The following TENM3 variants were observed in gnomAD, a reference collection of about 807,000 sequenced individuals.
The protein encoded by TENM3 is teneurin-3.
Under a neutral mutation model 255.1 loss-of-function variants are expected in TENM3, and 63 were observed. The ratio of observed to expected loss-of-function variants is 0.25; its 90% CI spans 0.20 to 0.30. The LOEUF is 0.30. Among genes scored for constraint, TENM3 ranks in the 10% least tolerant of loss-of-function variants. The pLI is 1.00. For synonymous variants in TENM3, 1,306 were observed against 1,322.3 expected (o/e 0.99, Z 0.27); for missense variants, 2,929 against 3,461.1 (o/e 0.85, Z 3.86).
chr4:181,467,084 CGTGT>C, the TENM3 span, among the ~76,000 whole-genome samples: 632 of 58,166 alleles, frequency 0.011, 19 homozygotes, highest in Middle Eastern at 0.025. Context: ...TGTGTGTGTG[CGTGT>C]GTGTGTGTGT....
At chr4:181,857,586 CAAAAA>C in the TENM3 span, among the ~76,000 whole-genome samples, 5,322 of 113,898 alleles carry the variant, frequency 0.047, 31 homozygotes, top group Middle Eastern at 0.062. Context: ...CAAAACAAAA[CAAAAA>C]AAAAAAAAAC....
At chr4:181,878,066 T>C in the TENM3 span, among the ~76,000 whole-genome samples, 2 of 152,274 alleles carry the variant, frequency 1.3e-5, no homozygotes, top group East Asian at 3.9e-4. Context: ...GGTGGATCTA[T>C]TGTAGGCACC....
At chr4:182,490,808 A>G (rs992901424) in intron 3 of TENM3, among the ~76,000 whole-genome samples, 1 of 152,142 alleles carries the variant, frequency 6.6e-6, no homozygotes, top group Non-Finnish European at 1.5e-5. Flanking sequence ...GGGGAGCACC[A>G]GCTCACACTG....
At chr4:181,972,154 A>C in the TENM3 span, among the ~76,000 whole-genome samples, 1 of 151,986 alleles carries the variant, frequency 6.6e-6, no homozygotes, top group Admixed American at 6.6e-5. Context: ...AGATGTGGTG[A>C]CTCACATCTG....
chr4:182,250,092 G>A (rs1460780768), intron 1 of TENM3, among the ~76,000 whole-genome samples: 16 of 133,704 alleles, frequency 1.2e-4, no homozygotes, highest in East Asian at 2.1e-4. Flanking sequence ...TTGCTCTGTC[G>A]CCCAGACTGG....
At chr4:181,508,531 T>C in the TENM3 span, among the ~76,000 whole-genome samples, 1 of 152,226 alleles carries the variant, frequency 6.6e-6, no homozygotes, top group African/African-American at 2.4e-5. Context: ...TTTAACTTTT[T>C]AGTTGTTTAC....
the TENM3 span, among the ~76,000 whole-genome samples, chr4:181,783,583 T>C: frequency 6.6e-6 from 1 of 152,188 alleles, no homozygotes; most frequent in South Asian, 2.1e-4. Flanking sequence ...AAAAGTTCCA[T>C]GAAAATTTTA....
intron 18 of TENM3, 99 bp from the exon 19 acceptor site, chr4:182,743,071 A>G: frequency 7.9e-7 from 1 of 1,267,240 alleles, no homozygotes; most frequent in East Asian, 2.5e-5. Flanking sequence ...TCCAGACCTG[A>G]CAGGCATTGA....
chr4:181,450,347 A>G, the TENM3 span, among the ~76,000 whole-genome samples: 121 of 152,320 alleles, frequency 7.9e-4, no homozygotes, highest in South Asian at 0.018. Context: ...AATAAGGTCA[A>G]TATTACATAC....
chr4:182,021,735 CAAAT>C, the TENM3 span, among the ~76,000 whole-genome samples: 179 of 151,966 alleles, frequency 1.2e-3, 1 homozygote, highest in African/African-American at 4.2e-3. Flanking sequence ...GATGAATAAA[CAAAT>C]GAATGAATAA....
the TENM3 span, among the ~76,000 whole-genome samples, chr4:181,690,324 A>G: frequency 2.0e-5 from 3 of 152,136 alleles, no homozygotes; most frequent in African/African-American, 2.4e-5. Flanking sequence ...GTGGTCTTCA[A>G]TCATTTCAAC....
chr4:181,601,036 A>G, the TENM3 span, among the ~76,000 whole-genome samples: 1 of 152,106 alleles, frequency 6.6e-6, no homozygotes. Context: ...CAGTGGGCAG[A>G]GCCCAGAGTG....
chr4:181,740,971 G>T, the TENM3 span, among the ~76,000 whole-genome samples: 1 of 152,250 alleles, frequency 6.6e-6, no homozygotes, highest in East Asian at 1.9e-4. Flanking sequence ...TTACCTGTGA[G>T]AAAAGCTGAA....
chr4:181,879,580 C>A, the TENM3 span, among the ~76,000 whole-genome samples: 7 of 152,144 alleles, frequency 4.6e-5, no homozygotes, highest in Non-Finnish European at 8.8e-5. Flanking sequence ...TGTTTAATAT[C>A]TACAGTAACA....
chr4:182,027,020 T>C, the TENM3 span, among the ~76,000 whole-genome samples: 1 of 152,136 alleles, frequency 6.6e-6, no homozygotes, highest in Non-Finnish European at 1.5e-5. Context: ...TTGATAGGGA[T>C]TGCATTGAAT....
chr4:182,107,490 G>A, the TENM3 span, among the ~76,000 whole-genome samples: 3 of 152,088 alleles, frequency 2.0e-5, no homozygotes, highest in African/African-American at 7.2e-5. Flanking sequence ...TGGCACATTC[G>A]ACAGTTATTC....
intron 19 of TENM3, among the ~76,000 whole-genome samples, chr4:182,744,787 G>A (rs1430411007): frequency 6.6e-6 from 1 of 152,052 alleles, no homozygotes; most frequent in Non-Finnish European, 1.5e-5. Flanking sequence ...CCATTATTAT[G>A]GAGGAAATGA....
At chr4:182,256,337 T>G (rs1758394615) in intron 1 of TENM3, among the ~76,000 whole-genome samples, 1 of 152,198 alleles carries the variant, frequency 6.6e-6, no homozygotes, top group Admixed American at 6.5e-5. Context: ...GCAGATGATA[T>G]ACTAATCAGG....
At chr4:181,911,445 A>G in the TENM3 span, among the ~76,000 whole-genome samples, 4 of 152,288 alleles carry the variant, frequency 2.6e-5, no homozygotes, top group Admixed American at 2.0e-4. Context: ...ACCAGGTTCT[A>G]TGAGAGAGAA....
Sources: gnomAD v4.1 joint callset for allele counts (sites outside exome capture counted in the v4.1 genomes callset) on GRCh38, gnomAD v4.1.1 for gene constraint, MANE v1.5 for transcripts, NCBI Gene and HGNC (gene_info 2026-07-23, HGNC 2026-07-21) for gene names.